C8A: variants seen among roughly 807,000 people sequenced by gnomAD.
C8A encodes complement C8 alpha chain, also known as complement component C8 alpha chain.
In C8A, 67 loss-of-function variants were observed where a neutral mutation model predicts 65.3. The observed-to-expected ratio is 1.03, with a 90% CI of 0.84 to 1.26. The LOEUF (loss-of-function observed/expected upper bound fraction) is 1.26. Among genes scored for constraint, C8A ranks in the 50% most tolerant of loss-of-function variants. The probability of loss-of-function intolerance (pLI) is 0.00; values close to 1 mark genes in which losing one functional copy is unlikely to be tolerated. For missense variants in C8A, 781 were observed against 723.9 expected (o/e 1.08, Z -0.90); for synonymous variants, 290 against 259.4 (o/e 1.12, Z -1.13).
intron 1 of C8A, among the ~76,000 whole-genome samples, chr1:56,865,141 G>A (rs1013866179): frequency 2.6e-5 from 4 of 152,144 alleles, no homozygotes; most frequent in Non-Finnish European, 5.9e-5. Flanking sequence ...TGGGAAGAAC[G>A]CATAAAGAAA....
intron 9 of C8A, among the ~76,000 whole-genome samples, chr1:56,911,961 A>G (rs774174383): frequency 2.6e-5 from 4 of 152,210 alleles, no homozygotes; most frequent in Non-Finnish European, 5.9e-5. Flanking sequence ...GGGAGTGCAC[A>G]GGTTTCAGAG....
intron 7 of C8A, among the ~76,000 whole-genome samples, chr1:56,896,118 C>G (rs1047723676): frequency 6.6e-6 from 1 of 152,068 alleles, no homozygotes; most frequent in Non-Finnish European, 1.5e-5. Flanking sequence ...GAAAAATCAT[C>G]AATAGCCCTA....
intron 1 of C8A, among the ~76,000 whole-genome samples, chr1:56,859,362 A>T (rs1333438772): frequency 6.6e-6 from 1 of 152,264 alleles, no homozygotes. Context: ...TCTGTCTTCC[A>T]GAGCTTGCAG....
chr1:56,914,893 G>C (rs565382291), intron 10 of C8A, among the ~76,000 whole-genome samples: 2 of 152,088 alleles, frequency 1.3e-5, no homozygotes, highest in African/African-American at 4.8e-5. Flanking sequence ...GGTCAGGCTG[G>C]TCTCGAACTC....
chr1:56,888,396 G>T (rs1198720689), intron 7 of C8A, among the ~76,000 whole-genome samples: 2 of 152,150 alleles, frequency 1.3e-5, no homozygotes, highest in Non-Finnish European at 2.9e-5. Flanking sequence ...CTAGGGATAT[G>T]ATGGTGAACA....
At chr1:56,903,014 T>C (rs1195462625) in intron 7 of C8A, among the ~76,000 whole-genome samples, 1 of 152,192 alleles carries the variant, frequency 6.6e-6, no homozygotes, top group Admixed American at 6.5e-5. Flanking sequence ...GGGAGTAATC[T>C]AAAACTCTAA....
chr1:56,894,675 T>C (rs1055132416), intron 7 of C8A, among the ~76,000 whole-genome samples: 9 of 152,104 alleles, frequency 5.9e-5, no homozygotes, highest in African/African-American at 2.2e-4. Flanking sequence ...CTCTTCCTCC[T>C]CCCTCCCTGC....
chr1:56,897,746 G>C (rs919997148), intron 7 of C8A, among the ~76,000 whole-genome samples: 4 of 152,118 alleles, frequency 2.6e-5, no homozygotes, highest in Non-Finnish European at 5.9e-5. Flanking sequence ...GTTGCACAAA[G>C]TTGGAAACAG....
intron 2 of C8A, 32 bp from the exon 3 acceptor site, chr1:56,874,917 C>G: frequency 1.2e-6 from 2 of 1,612,498 alleles, no homozygotes; most frequent in South Asian, 1.1e-5. Context: ...GATTGGTTGA[C>G]AAGAATGTGT....
At chr1:56,908,434 G>T (rs1390558638) in intron 9 of C8A, among the ~76,000 whole-genome samples, 1 of 152,174 alleles carries the variant, frequency 6.6e-6, no homozygotes, top group Non-Finnish European at 1.5e-5. Flanking sequence ...AAAATCACAT[G>T]GGCTAAATTA....
In C8A at chr1:56,917,310, C is replaced by T. The variant is rs958460040; in HGVS notation, c.1604-255C>T. On this transcript the variant is annotated intron_variant, in intron 10 of 10. Coordinates refer to ENST00000361249, the MANE Select transcript of C8A (RefSeq NM_000562.3). ...AGCTCTGCAACTCCCTGGACAGAGC[C>T]CCCAGGGGCAATTAATAGCCTGACT... Among the ~76,000 whole-genome samples the T allele has an allele frequency of 1.1e-4, 17 of 152,224 alleles. 1 individual carries two copies. Among genetic ancestry groups the T allele is most frequent in the African/African-American group, 3.6e-4 (15 of 41,452 alleles).
intron 7 of C8A, among the ~76,000 whole-genome samples, chr1:56,890,053 T>C (rs1279656856): frequency 6.6e-6 from 1 of 152,080 alleles, no homozygotes; most frequent in Non-Finnish European, 1.5e-5. Context: ...TGTATCAAGG[T>C]ATACAAAAGA....
intron 6 of C8A, among the ~76,000 whole-genome samples, chr1:56,884,891 T>C (rs1557705168): frequency 6.6e-6 from 1 of 152,214 alleles, no homozygotes; most frequent in Non-Finnish European, 1.5e-5. Flanking sequence ...TGCATTCTAC[T>C]ATAGGCATTG....
chr1:56,879,940 C>T (rs372985076), intron 4 of C8A, among the ~76,000 whole-genome samples: 1 of 152,080 alleles, frequency 6.6e-6, no homozygotes, highest in East Asian at 1.9e-4. Flanking sequence ...ACAATCATGA[C>T]GATCGCTATG....
At chr1:56,867,521 G>A in intron 1 of C8A, 88 bp from the exon 2 acceptor site, 1 of 908,670 alleles carries the variant, frequency 1.1e-6, no homozygotes, top group Middle Eastern at 2.1e-4. Flanking sequence ...TCCAAACCAT[G>A]TTTTACTGGA....
intron 2 of C8A, 136 bp from the exon 3 acceptor site, chr1:56,874,813 T>G: frequency 1.0e-6 from 1 of 998,150 alleles, no homozygotes. Context: ...TATTCATCCC[T>G]CAAAAGACAG....
At chr1:56,878,863 T>C (rs1644224502) in intron 4 of C8A, among the ~76,000 whole-genome samples, 1 of 152,164 alleles carries the variant, frequency 6.6e-6, no homozygotes, top group South Asian at 2.1e-4. Context: ...TACCTATGTG[T>C]ACTGGGCATT....
intron 1 of C8A, among the ~76,000 whole-genome samples, chr1:56,861,157 A>G (rs966559957): frequency 1.3e-5 from 2 of 152,198 alleles, no homozygotes; most frequent in African/African-American, 4.8e-5. Flanking sequence ...AGCACCTATT[A>G]TATGCCAGGT....
Position 56,885,370 on chromosome 1 carries a change from T to TTATATTTAAATATATATTTACATAAATA in C8A, c.856-549_856-548insAATATATATTTACATAAATATATATTTA, listed in dbSNP as rs1644285821. Among the ~76,000 whole-genome samples, 2 of 68,608 alleles carry TTATATTTAAATATATATTTACATAAATA rather than the reference T, an allele frequency of 2.9e-5. 1 individual carries two copies. Among genetic ancestry groups the TTATATTTAAATATATATTTACATAAATA allele is most frequent in the African/African-American group, 2.3e-4 (2 of 8,706 alleles). 45.0% of individuals were successfully genotyped at this position (68,608 alleles called of 152,430 possible). A position where few individuals can be genotyped will look rare whatever the true frequency, so the allele number is the denominator to read the frequency against. ...AATATATATTTATGTAAATATATAT[T>TTATATTTAAATATATATTTACATAAATA]TATATTTATTTAAATATATATTTAA... is the stretch of plus-strand genomic sequence containing the variant. On this transcript the variant is annotated intron_variant, in intron 6 of 10. Transcript: ENST00000361249.
Sources: allele counts gnomAD v4.1 joint callset (sites outside exome capture counted in the v4.1 genomes callset), GRCh38; gene constraint gnomAD v4.1.1; transcripts MANE v1.5; gene names NCBI Gene and HGNC (gene_info 2026-07-23, HGNC 2026-07-21).